Variants in FGD5 observed in about 807,000 individuals in gnomAD.
The protein encoded by FGD5 is FYVE, RhoGEF and PH domain-containing protein 5.
Under a neutral mutation model 133.4 loss-of-function variants are expected in FGD5, and 28 were observed. The observed-to-expected ratio is 0.21, with a 90% CI of 0.16 to 0.29. The LOEUF (loss-of-function observed/expected upper bound fraction) is 0.29, where lower values mean the gene tolerates loss of function less well. Among genes scored for constraint, FGD5 ranks in the 10% least tolerant of loss-of-function variants. FGD5 has a pLI of 1.00. For missense variants in FGD5, 1,858 were observed against 1,895.2 expected, an observed-to-expected ratio of 0.98 and a Z score of 0.36; for synonymous variants, 810 against 776.5, an observed-to-expected ratio of 1.04 and a Z score of -0.72.
rs79223583 is a variant in FGD5 at position 14,820,420 on chromosome 3, C to T, written c.1349C>T (p.Ser450Leu). The T allele has an allele frequency of 1.1e-5, 18 of 1,613,956 alleles. No homozygotes were observed. The African/African-American group carries it at 1.2e-4, about 11-fold the overall frequency. Residue 450 changes from serine (S) to leucine (L), a missense_variant, in exon 1 of 20, where the codon TCG becomes TTG. Physicochemically the swap from Ser to Leu is moderately radical, Grantham distance 145. Around this residue, in one of 3 missense-constraint regions of FGD5, gnomAD observed 1,824 missense variants for 1,848.9 expected, o/e 0.99. Coordinates refer to ENST00000285046, the MANE Select transcript of FGD5 (RefSeq NM_152536.4). ...CCTGGAGAAGGAGGGCAGGCTGCATCGGACGCCCTGGGTGGTTATGGCTCG... is the reference window on the plus strand; with the variant it reads ...CCTGGAGAAGGAGGGCAGGCTGCATTGGACGCCCTGGGTGGTTATGGCTCG... ...AAPGEGGQAA[S>L]DALGGYGSKE...
intron 9 of FGD5, among the ~76,000 whole-genome samples, chr3:14,903,479 ATC>A (rs1327497929): frequency 1.3e-5 from 2 of 148,376 alleles, no homozygotes; most frequent in Non-Finnish European, 3.0e-5. Context: ...CATTAGGTAT[ATC>A]TCCCAGTGCT....
chr3:14,830,834 C>T (rs962931714), intron 1 of FGD5, among the ~76,000 whole-genome samples: 2 of 152,178 alleles, frequency 1.3e-5, no homozygotes, highest in Non-Finnish European at 2.9e-5. Flanking sequence ...GTATCAGGTA[C>T]CTATTCTGAG....
At chr3:14,924,279 A>G (rs1269002447) in intron 17 of FGD5, 141 bp downstream of exon 17, 1 of 1,304,764 alleles carries the variant, frequency 7.7e-7, no homozygotes, top group Non-Finnish European at 1.1e-6. Context: ...GAAGCATCCC[A>G]GCTACGAGGA....
At chr3:14,894,313 T>G (rs1001544602) in intron 4 of FGD5, among the ~76,000 whole-genome samples, 1 of 152,220 alleles carries the variant, frequency 6.6e-6, no homozygotes, top group African/African-American at 2.4e-5. Flanking sequence ...TGAATACTAT[T>G]CCATTGTGTA....
intron 10 of FGD5, among the ~76,000 whole-genome samples, chr3:14,908,883 A>AAAAT (rs2038389444): frequency 6.6e-6 from 1 of 151,900 alleles, no homozygotes; most frequent in Non-Finnish European, 1.5e-5. Flanking sequence ...CCCTCCCAAA[A>AAAAT]GAATAAATAA....
At chr3:14,833,380 G>A (rs1399916114) in intron 1 of FGD5, among the ~76,000 whole-genome samples, 1 of 152,276 alleles carries the variant, frequency 6.6e-6, no homozygotes, top group East Asian at 1.9e-4. Context: ...AGGCTTTCTT[G>A]TAAGATTTTA....
intron 1 of FGD5, among the ~76,000 whole-genome samples, chr3:14,860,248 A>G (rs543247113): frequency 1.2e-4 from 18 of 152,334 alleles, no homozygotes; most frequent in African/African-American, 3.6e-4. Context: ...CCGTGGCCCA[A>G]TGGCCCCATC....
chr3:14,931,438 C>T (rs964441558), intron 18 of FGD5: 1 of 152,162 alleles, frequency 6.6e-6, no homozygotes. Context: ...GTCCTCCTGC[C>T]TTGGCCTTGA....
At chr3:14,817,722 A>C (rs774729286), upstream of FGD5, among the ~76,000 whole-genome samples, 3 of 152,134 alleles carry the variant, frequency 2.0e-5, no homozygotes, top group Non-Finnish European at 4.4e-5. Context: ...TGTTATTTTG[A>C]GGCCACTTGT....
intron 1 of FGD5, among the ~76,000 whole-genome samples, chr3:14,827,980 A>T (rs2036634941): frequency 6.6e-6 from 1 of 152,314 alleles, no homozygotes; most frequent in East Asian, 1.9e-4. Context: ...CTCGAATTAC[A>T]TGCCCAGGAG....
chr3:14,889,127 A>G (rs1992004), intron 4 of FGD5, among the ~76,000 whole-genome samples: 106,985 of 152,088 alleles, frequency 0.7, 37,755 homozygotes, highest in Non-Finnish European at 0.73. Flanking sequence ...GAGGGCAGGC[A>G]GGGCCACGAA....
chr3:14,846,520 T>C (rs1202978482), intron 1 of FGD5, among the ~76,000 whole-genome samples: 1 of 152,194 alleles, frequency 6.6e-6, no homozygotes, highest in East Asian at 1.9e-4. Flanking sequence ...GTTGCATAGC[T>C]CATAAATACT....
chr3:14,887,044 T>C (rs1372744429), intron 4 of FGD5, among the ~76,000 whole-genome samples: 1 of 152,248 alleles, frequency 6.6e-6, no homozygotes, highest in African/African-American at 2.4e-5. Context: ...GGATGCTGCA[T>C]AGGTCGAGCT....
At chr3:14,882,742 A>G (rs2125119577) in intron 4 of FGD5, among the ~76,000 whole-genome samples, 1 of 151,374 alleles carries the variant, frequency 6.6e-6, no homozygotes, top group African/African-American at 2.4e-5. Context: ...GGTTGCAGGA[A>G]GTTGTGGTCT....
Position 14,908,406 on chromosome 3 carries a change from G to C in FGD5, c.3336+695G>C, listed in dbSNP as rs2038379134. 2.0e-5 allele frequency among the ~76,000 whole-genome samples: 3 copies of C among 152,112 alleles called. No individual in the cohort carries two copies. In the South Asian group the frequency reaches 6.2e-4, roughly 32 times the overall value. On this transcript the variant is annotated intron_variant, in intron 10 of 19. Coordinates refer to ENST00000285046, the MANE Select transcript of FGD5 (RefSeq NM_152536.4). ...AGTAGACCTTCCGAGGCTCTGTTCT[G>C]AATGGACTCCTCGTGGGTACAAACC...
chr3:14,863,243 C>T (rs1329320792), intron 1 of FGD5, among the ~76,000 whole-genome samples: 2 of 152,176 alleles, frequency 1.3e-5, no homozygotes, highest in Middle Eastern at 3.2e-3. Context: ...TCTGGGGCCA[C>T]GTTGCCAATG....
intron 1 of FGD5, among the ~76,000 whole-genome samples, chr3:14,835,236 G>A (rs1403763494): frequency 1.3e-5 from 2 of 152,200 alleles, no homozygotes; most frequent in African/African-American, 2.4e-5. Flanking sequence ...GGTGGCTCAC[G>A]CCTGTAATCC....
intron 11 of FGD5, among the ~76,000 whole-genome samples, chr3:14,916,057 G>A (rs2038547769): frequency 6.6e-6 from 1 of 152,126 alleles, no homozygotes; most frequent in Non-Finnish European, 1.5e-5. Context: ...GTCATGTGTA[G>A]AGGACTCCCC....
At chr3:14,867,369 G>C (rs929178961) in intron 2 of FGD5, among the ~76,000 whole-genome samples, 5 of 152,128 alleles carry the variant, frequency 3.3e-5, no homozygotes, top group Non-Finnish European at 7.3e-5. Flanking sequence ...TTCCAGATGT[G>C]CTATGGTTTA....
Sources: gnomAD v4.1 joint callset for allele counts (sites outside exome capture counted in the v4.1 genomes callset) on GRCh38, gnomAD v4.1.1 for gene constraint, gnomAD v4.1.1 regional missense constraint, MANE v1.5 for transcripts, NCBI Gene and HGNC (gene_info 2026-07-23, HGNC 2026-07-21) for gene names.